The following TAC1 variants were observed in gnomAD, a reference collection of about 807,000 sequenced individuals.
The protein encoded by TAC1 is protachykinin-1.
A neutral mutation model predicts 21.7 loss-of-function variants in TAC1; 12 were observed. That is an observed-to-expected ratio of 0.55 (90% confidence interval 0.35 to 0.89). The LOEUF is 0.89. Among genes scored for constraint, TAC1 ranks in the 40% least tolerant of loss-of-function variants. The pLI, the probability that TAC1 is intolerant of heterozygous loss-of-function variation, is 0.01. For missense variants in TAC1, 128 were observed against 151.4 expected, an observed-to-expected ratio of 0.85 and a Z score of 0.81; for synonymous variants, 52 against 52.0, an observed-to-expected ratio of 1.00 and a Z score of 0.00.
intron 6 of TAC1, among the ~76,000 whole-genome samples, chr7:97,736,655 C>T (rs982253244): frequency 2.6e-5 from 4 of 151,910 alleles, no homozygotes; most frequent in African/African-American, 4.8e-5. Flanking sequence ...TTAAATAAGC[C>T]GTGTTTAACC....
intron 6 of TAC1, among the ~76,000 whole-genome samples, chr7:97,739,639 A>T (rs1332035666): frequency 6.6e-6 from 1 of 152,068 alleles, no homozygotes; most frequent in African/African-American, 2.4e-5. Context: ...CTTTGGGGGC[A>T]CCAAGTATAT....
chr7:97,732,854 G>A lies in TAC1; in HGVS notation c.123+119G>A, dbSNP rs1050106090. 9.8e-6 allele frequency: 13 copies of A among 1,330,948 alleles called. No homozygotes were observed. In the Admixed American group the frequency reaches 2.2e-4, roughly 22 times the overall value. The allele number at this position is 1,330,948 out of a possible 1,614,324, so 82.4% of individuals were successfully genotyped here. ...CACCGCCACCACGGAAAGAGGCAGC[G>A]GTTGCGTGCGAGAGGATGGAAAGGG... On this transcript the variant is annotated intron_variant, in intron 2 of 6. Transcript: ENST00000319273. This position sits in a 1 kb window ranked among gnomAD's most constrained non-coding sequence, Gnocchi z 6.2.
At chr7:97,736,565 A>G (rs1360205831) in intron 6 of TAC1, among the ~76,000 whole-genome samples, 1 of 152,112 alleles carries the variant, frequency 6.6e-6, no homozygotes, top group Non-Finnish European at 1.5e-5. Flanking sequence ...TCCAATCACC[A>G]TTCTTACCAG....
intron 4 of TAC1, 98 bp from the exon 5 acceptor site, chr7:97,734,728 G>A: frequency 1.1e-6 from 1 of 914,794 alleles, no homozygotes; most frequent in South Asian, 1.6e-5. Flanking sequence ...GATAGAAAAT[G>A]TTACATATTT....
At chr7:97,738,897 G>A (rs1029263545) in intron 6 of TAC1, among the ~76,000 whole-genome samples, 9 of 151,590 alleles carry the variant, frequency 5.9e-5, no homozygotes, top group Non-Finnish European at 1.3e-4. Flanking sequence ...AAGTCTATAA[G>A]GTATTCGTTA....
chr7:97,735,002 C>T (rs1036409615), intron 5 of TAC1, among the ~76,000 whole-genome samples, 153 bp downstream of exon 5: 1 of 151,876 alleles, frequency 6.6e-6, no homozygotes, highest in Non-Finnish European at 1.5e-5. Context: ...CATATTACAT[C>T]CAGAATATGG....
Position 97,739,826 on chromosome 7 carries a change from C to T in TAC1, c.344-48C>T, listed in dbSNP as rs1232809821. ...GCCCTGAACTTTAGTTGTGTAACTC[C>T]CTCAGTGAATTCACTTAAAAAACAC... On this transcript the variant is annotated intron_variant, in intron 6 of 6. Coordinates refer to ENST00000319273, the MANE Select transcript of TAC1 (RefSeq NM_003182.3). The T allele has an allele frequency of 4.9e-6, 7 of 1,430,746 alleles. No homozygotes were observed. The South Asian group carries it at 4.9e-5, about 10-fold the overall frequency. 88.6% of individuals were successfully genotyped at this position (1,430,746 alleles called of 1,614,324 possible). A position where few individuals can be genotyped will look rare whatever the true frequency, so the allele number is the denominator to read the frequency against.
chr7:97,732,670 G>A lies in TAC1; in HGVS notation c.58G>A (p.Glu20Lys). The change falls in exon 2 of 7, where the codon GAA becomes AAA. Residue 20 changes from glutamate (E) to lysine (K), a missense_variant. Transcript: ENST00000319273. This position sits in a 1 kb window ranked among gnomAD's most constrained non-coding sequence, Gnocchi z 6.2. ...FFLVSTQLFAEEIGANDDLNY... is the reference protein window; with the variant it reads ...FFLVSTQLFAKEIGANDDLNY... ...TCTTGTCTCCACTCAGCTGTTTGCAGAAGAAATAGGAGCCAATGATGATCT... is the reference window on the plus strand; with the variant it reads ...TCTTGTCTCCACTCAGCTGTTTGCAAAAGAAATAGGAGCCAATGATGATCT... 6.2e-7 allele frequency: 1 copy of A among 1,614,128 alleles called. No homozygotes were observed. Among genetic ancestry groups the A allele is most frequent in the Non-Finnish European group, 8.5e-7 (1 of 1,180,044 alleles).
At chr7:97,734,096 A>G (rs995041928) in intron 3 of TAC1, 152 bp from the exon 4 acceptor site, 48 of 754,906 alleles carry the variant, frequency 6.4e-5, no homozygotes, top group Non-Finnish European at 1.0e-4. Flanking sequence ...CTCCAGGGGT[A>G]GTACTGCGGA....
chr7:97,732,970 A>G lies in TAC1; in HGVS notation c.123+235A>G. The G allele has an allele frequency of 2.0e-6, 1 of 494,142 alleles. No individual in the cohort carries two copies. The highest frequency in any genetic ancestry group is 3.6e-6 in the Non-Finnish European group (1 of 278,906). 30.6% of individuals were successfully genotyped at this position (494,142 alleles called of 1,614,324 possible). ...ACCGTCCGGCCCAGGAACTCCCTGC[A>G]GTAGGGATGCCCTCCCGGATGAGCC... is the stretch of plus-strand genomic sequence containing the variant. On this transcript the variant is annotated intron_variant, in intron 2 of 6. Coordinates refer to ENST00000319273, the MANE Select transcript of TAC1 (RefSeq NM_003182.3). The surrounding 1 kb of genome is among the most constrained non-coding windows in gnomAD (Gnocchi z 6.2).
At chr7:97,739,679 G>C (rs899270597) in intron 6 of TAC1, among the ~76,000 whole-genome samples, 195 bp from the exon 7 acceptor site, 3 of 152,104 alleles carry the variant, frequency 2.0e-5, no homozygotes, top group South Asian at 2.1e-4. Context: ...CGAGTTCTGT[G>C]GTTAGATCAT....
chr7:97,733,086 G>A (rs1443246675), intron 2 of TAC1: 3 of 218,894 alleles, frequency 1.4e-5, no homozygotes, highest in African/African-American at 4.6e-5. Context: ...CTGCCCTAGC[G>A]TCTGGGCACG....
At position 97,740,081 on chromosome 7, in the gene TAC1, G is replaced by A. The variant is rs1789672146; in HGVS notation, c.*161G>A. On this transcript the variant is annotated 3_prime_UTR_variant, in exon 7 of 7. Transcript: ENST00000319273. ...TTTTCATATTGTGCCAATATGTATT[G>A]TAAACATGTGTTTTAATTCCAATAT... 1 of 476,638 alleles carries A rather than the reference G, an allele frequency of 2.1e-6. No homozygotes were observed. The highest frequency in any genetic ancestry group is 4.0e-5 in the Admixed American group (1 of 24,714). 29.5% of individuals were successfully genotyped at this position (476,638 alleles called of 1,614,324 possible).
chr7:97,737,374 G>A (rs546301520), intron 6 of TAC1, among the ~76,000 whole-genome samples: 17 of 151,902 alleles, frequency 1.1e-4, no homozygotes, highest in Non-Finnish European at 2.5e-4. Flanking sequence ...TAATTATCTG[G>A]ATCCTAGGAA....
rs953326058 is a variant in TAC1, at chr7:97,732,363, A to C, written c.-10+168A>C. 9.9e-5 allele frequency among the ~76,000 whole-genome samples: 15 copies of C among 152,128 alleles called. No homozygotes were observed. The highest frequency in any genetic ancestry group is 1.9e-4 in the Non-Finnish European group (13 of 68,006). ...CCACCTGCAGAGTTTCCTGGTTTGA[A>C]GGTGTGGGTTGGTGGGTTAGGGGGC... On this transcript the variant is annotated intron_variant, in intron 1 of 6. Transcript: ENST00000319273. The surrounding 1 kb of genome is among the most constrained non-coding windows in gnomAD (Gnocchi z 6.2).
chr7:97,734,555 T>A (rs902106915), intron 4 of TAC1, among the ~76,000 whole-genome samples: 3 of 152,006 alleles, frequency 2.0e-5, no homozygotes, highest in African/African-American at 7.2e-5. Flanking sequence ...TGTGTTACAG[T>A]CTTATAGTTA....
chr7:97,739,973 A>ACAAAT lies in TAC1; in HGVS notation c.*53_*54insCAAAT. Reference sequence around the variant, plus strand: ...TTCATTTGTGTCAATGGGCAATGACAGGTAAATTAAGACATGCACTATGAG... The same window carrying ACAAAT: ...TTCATTTGTGTCAATGGGCAATGACACAAATGGTAAATTAAGACATGCACTATGAG... On this transcript the variant is annotated 3_prime_UTR_variant, in exon 7 of 7. Transcript: ENST00000319273. The ACAAAT allele has an allele frequency of 7.7e-7, 1 of 1,293,222 alleles. No homozygotes were observed. Among genetic ancestry groups the ACAAAT allele is most frequent in the Non-Finnish European group, 1.1e-6 (1 of 917,048 alleles). The allele number at this position is 1,293,222 out of a possible 1,614,324, so 80.1% of individuals were successfully genotyped here. A position where few individuals can be genotyped will look rare whatever the true frequency, so the allele number is the denominator to read the frequency against.
At position 97,732,893 on chromosome 7, in the gene TAC1, G is replaced by A; in HGVS notation, c.123+158G>A. Reference sequence around the variant, plus strand: ...GGATGGAAAGGGGCACTATTTCCCGGGTTCCCCACGGGATTTTGTGCCCAC... The same window carrying A: ...GGATGGAAAGGGGCACTATTTCCCGAGTTCCCCACGGGATTTTGTGCCCAC... On this transcript the variant is annotated intron_variant, in intron 2 of 6. Transcript: ENST00000319273. The surrounding 1 kb of genome is among the most constrained non-coding windows in gnomAD (Gnocchi z 6.2). 1.0e-6 allele frequency: 1 copy of A among 997,824 alleles called. No individual in the cohort carries two copies. Among genetic ancestry groups the A allele is most frequent in the Non-Finnish European group, 1.4e-6 (1 of 701,854 alleles). 61.8% of individuals were successfully genotyped at this position (997,824 alleles called of 1,614,324 possible).
intron 6 of TAC1, among the ~76,000 whole-genome samples, chr7:97,737,548 A>G (rs1789605652): frequency 6.6e-6 from 1 of 151,986 alleles, no homozygotes; most frequent in Non-Finnish European, 1.5e-5. Flanking sequence ...CAGAGAATAT[A>G]TTCATATAAT....
Sources: gnomAD v4.1 joint callset for allele counts (sites outside exome capture counted in the v4.1 genomes callset) on GRCh38, gnomAD v4.1.1 for gene constraint, Gnocchi (gnomAD v3.1) non-coding constraint, MANE v1.5 for transcripts, NCBI Gene and HGNC (gene_info 2026-07-23, HGNC 2026-07-21) for gene names.